The following LRMDA variants were observed in gnomAD, a reference collection of about 807,000 sequenced individuals.
LRMDA encodes leucine rich melanocyte differentiation associated.
LRMDA carries 18 observed loss-of-function variants against 29.8 expected under a neutral mutation model. The observed-to-expected ratio is 0.60, with a 90% CI of 0.42 to 0.90. The LOEUF (loss-of-function observed/expected upper bound fraction) is 0.90, where lower values mean the gene tolerates loss of function less well. Ranked by LOEUF, LRMDA falls within the 40% of genes least tolerant of loss-of-function variation. The probability of loss-of-function intolerance (pLI) is 0.00; values close to 1 mark genes in which losing one functional copy is unlikely to be tolerated. For missense variants in LRMDA, 273 were observed against 273.9 expected (o/e 1.00, Z 0.02); for synonymous variants, 125 against 109.4 (o/e 1.14, Z -0.89).
At chr10:75,591,019 G>A (rs762533773) in intron 2 of LRMDA, among the ~76,000 whole-genome samples, 15 of 152,036 alleles carry the variant, frequency 9.9e-5, no homozygotes, top group Non-Finnish European at 2.1e-4. Context: ...TGGGATTACA[G>A]GCATGAGCCA....
At chr10:75,752,712 C>G (rs985051544) in intron 2 of LRMDA, among the ~76,000 whole-genome samples, 3 of 152,078 alleles carry the variant, frequency 2.0e-5, no homozygotes, top group Non-Finnish European at 4.4e-5. Flanking sequence ...GAACCTGTGT[C>G]TTAGGTATGT....
At chr10:76,018,684 C>T (rs1847919294) in intron 2 of LRMDA, among the ~76,000 whole-genome samples, 1 of 150,892 alleles carries the variant, frequency 6.6e-6, no homozygotes, top group South Asian at 2.1e-4. Flanking sequence ...TCTCCTGCCT[C>T]AGCCTCCCGA....
At position 75,637,401 on chromosome 10, in the gene LRMDA, GA is replaced by G. The variant is rs1399457502; in HGVS notation, c.131+198908del. ...ATAGAAAAATGGAGGCAGAGACAGA[GA>G]GGGGGAGGGAGGAGGCGGAGGAAGA... On this transcript the variant is annotated intron_variant, in intron 2 of 6. Transcript: ENST00000611255. Among the ~76,000 whole-genome samples, 3 of 152,220 alleles carry G rather than the reference GA, an allele frequency of 2.0e-5. No homozygotes were observed. The East Asian group carries it at 5.8e-4, about 29-fold the overall frequency.
intron 5 of LRMDA, among the ~76,000 whole-genome samples, chr10:76,060,092 T>G (rs959772199): frequency 6.6e-6 from 1 of 152,162 alleles, no homozygotes; most frequent in African/African-American, 2.4e-5. Flanking sequence ...TTTTATTTGT[T>G]TTTGGTGAAA....
At chr10:75,660,406 G>A (rs1056464917) in intron 2 of LRMDA, among the ~76,000 whole-genome samples, 15 of 152,174 alleles carry the variant, frequency 9.9e-5, no homozygotes, top group South Asian at 2.1e-4. Context: ...TGTGAGGGGC[G>A]CCTGCCGGAC....
chr10:76,032,617 G>C (rs1015732949), intron 2 of LRMDA, among the ~76,000 whole-genome samples: 1 of 152,200 alleles, frequency 6.6e-6, no homozygotes, highest in Non-Finnish European at 1.5e-5. Flanking sequence ...CTGGGAACGA[G>C]GGAAGGAGGT....
chr10:75,893,388 T>C (rs1258509173), intron 2 of LRMDA, among the ~76,000 whole-genome samples: 1 of 152,220 alleles, frequency 6.6e-6, no homozygotes, highest in African/African-American at 2.4e-5. Flanking sequence ...CATTGGCCAT[T>C]GTATTTATAA....
chr10:76,173,148 A>G (rs1010699186), intron 5 of LRMDA, among the ~76,000 whole-genome samples: 1 of 152,244 alleles, frequency 6.6e-6, no homozygotes, highest in African/African-American at 2.4e-5. Context: ...AGGTGGAATT[A>G]GTGGAAGATT....
At chr10:76,305,431 T>C (rs1247309891) in intron 5 of LRMDA, among the ~76,000 whole-genome samples, 2 of 152,210 alleles carry the variant, frequency 1.3e-5, no homozygotes, top group African/African-American at 2.4e-5. Flanking sequence ...TCTTTCTTTC[T>C]TTCATGGTCA....
intron 2 of LRMDA, among the ~76,000 whole-genome samples, chr10:75,994,867 T>C (rs1040150814): frequency 6.6e-6 from 1 of 152,210 alleles, no homozygotes; most frequent in African/African-American, 2.4e-5. Context: ...GACAGTACAA[T>C]AACCCATAAT....
At chr10:76,116,577 C>T (rs1298445786) in intron 5 of LRMDA, among the ~76,000 whole-genome samples, 1 of 152,080 alleles carries the variant, frequency 6.6e-6, no homozygotes, top group East Asian at 1.9e-4. Context: ...CTTTACTCTC[C>T]TTATCATATT....
intron 5 of LRMDA, among the ~76,000 whole-genome samples, chr10:76,267,474 A>T (rs1840020968): frequency 6.6e-6 from 1 of 151,698 alleles, no homozygotes; most frequent in Non-Finnish European, 1.5e-5. Context: ...TTAAGCAATA[A>T]CTCCCTATTT....
intron 2 of LRMDA, among the ~76,000 whole-genome samples, chr10:75,609,676 C>T (rs578177082): frequency 6.6e-5 from 10 of 152,274 alleles, no homozygotes; most frequent in African/African-American, 1.2e-4. Flanking sequence ...CTAGCCTGGG[C>T]GAGCTGAGAA....
intron 2 of LRMDA, among the ~76,000 whole-genome samples, chr10:76,019,746 A>T (rs1324898354): frequency 6.6e-6 from 1 of 152,124 alleles, no homozygotes; most frequent in East Asian, 1.9e-4. Context: ...GCTTGGATTC[A>T]TTGAAATGCA....
chr10:75,782,999 C>T lies in LRMDA; in HGVS notation c.132-253009C>T, dbSNP rs188227171. ...GAATGGAAAAGTATTTGTCACTCAG[C>T]GGCAATCATTCTTCAAATAAAAGGT... On this transcript the variant is annotated intron_variant, in intron 2 of 6. Transcript: ENST00000611255. The T allele has an allele frequency of 3.7e-4, 603 of 1,614,068 alleles. 5 individuals carry two copies. Among genetic ancestry groups the T allele is most frequent in the Non-Finnish European group, 8.7e-5 (103 of 1,180,002 alleles).
chr10:76,455,744 G>A (rs767893770), intron 6 of LRMDA, among the ~76,000 whole-genome samples: 2 of 152,134 alleles, frequency 1.3e-5, no homozygotes, highest in Non-Finnish European at 2.9e-5. Flanking sequence ...ATGTGTAGGG[G>A]AAGTGGCAGG....
At chr10:75,549,894 A>T (rs1002439379) in intron 2 of LRMDA, among the ~76,000 whole-genome samples, 1 of 152,094 alleles carries the variant, frequency 6.6e-6, no homozygotes, top group Non-Finnish European at 1.5e-5. Context: ...ATCATACAGT[A>T]TTCACCCTTT....
At chr10:76,078,325 C>T (rs1021649055) in intron 5 of LRMDA, among the ~76,000 whole-genome samples, 2 of 151,762 alleles carry the variant, frequency 1.3e-5, no homozygotes, top group Non-Finnish European at 2.9e-5. Context: ...AACTCTTGAA[C>T]ACGTGTTTAC....
At chr10:75,662,675 G>A (rs1223584542) in intron 2 of LRMDA, among the ~76,000 whole-genome samples, 1 of 152,236 alleles carries the variant, frequency 6.6e-6, no homozygotes, top group Non-Finnish European at 1.5e-5. Context: ...TATTTCATCA[G>A]TGTAGCTTGT....
Sources: gnomAD v4.1 joint callset for allele counts (sites outside exome capture counted in the v4.1 genomes callset) on GRCh38, gnomAD v4.1.1 for gene constraint, MANE v1.5 for transcripts, NCBI Gene and HGNC (gene_info 2026-07-23, HGNC 2026-07-21) for gene names.